The following TTC28 variants were observed in gnomAD, a reference collection of about 807,000 sequenced individuals.
TTC28 encodes the protein tetratricopeptide repeat domain 28.
In TTC28, 61 loss-of-function variants were observed where a neutral mutation model predicts 198.0. The ratio of observed to expected loss-of-function variants is 0.31; its 90% CI spans 0.25 to 0.38. The LOEUF (loss-of-function observed/expected upper bound fraction) is 0.38, where lower values mean the gene tolerates loss of function less well. TTC28 is among the 10% of genes least tolerant of loss of function. TTC28 has a pLI of 1.00. For missense variants in TTC28, 2,678 were observed against 3,164.0 expected (o/e 0.85, Z 3.69); for synonymous variants, 1,171 against 1,297.8 (o/e 0.90, Z 2.10).
chr22:28,091,951 G>A (rs1369466737), intron 12 of TTC28, among the ~76,000 whole-genome samples: 1 of 152,160 alleles, frequency 6.6e-6, no homozygotes, highest in African/African-American at 2.4e-5. Flanking sequence ...GAATATTTGA[G>A]CTGAGCTCAG....
chr22:28,263,248 A>G (rs1931446665), intron 5 of TTC28, among the ~76,000 whole-genome samples: 1 of 152,164 alleles, frequency 6.6e-6, no homozygotes, highest in Non-Finnish European at 1.5e-5. Flanking sequence ...CATTCATTTA[A>G]TCTCTTTAAC....
chr22:28,043,242 CAAAAAAAAAAAAAAA>C (rs11362041), intron 12 of TTC28, among the ~76,000 whole-genome samples: 10 of 65,568 alleles, frequency 1.5e-4, no homozygotes, highest in South Asian at 5.1e-4. Context: ...GACTCCATCT[CAAAAAAAAAAAAAAA>C]AAAAAAAAAA....
chr22:28,182,727 C>T (rs558425439), intron 5 of TTC28, among the ~76,000 whole-genome samples: 5 of 152,302 alleles, frequency 3.3e-5, no homozygotes, highest in African/African-American at 9.6e-5. Flanking sequence ...CCAGTCTCAG[C>T]TCTCTGTACT....
chr22:28,421,933 C>CAAA (rs3884802), intron 2 of TTC28, among the ~76,000 whole-genome samples: 19 of 75,378 alleles, frequency 2.5e-4, no homozygotes, highest in African/African-American at 7.1e-4. Context: ...GACTCCGTCT[C>CAAA]AAAAAAAAAA....
At chr22:28,155,018 A>G (rs1283193680) in intron 6 of TTC28, among the ~76,000 whole-genome samples, 1 of 152,144 alleles carries the variant, frequency 6.6e-6, no homozygotes, top group African/African-American at 2.4e-5. Flanking sequence ...ACATCGTGGA[A>G]GTTCTCTTCT....
chr22:28,138,963 C>G (rs1479552502), intron 6 of TTC28, among the ~76,000 whole-genome samples: 1 of 151,410 alleles, frequency 6.6e-6, no homozygotes, highest in Non-Finnish European at 1.5e-5. Context: ...CAAATATAAG[C>G]ATGAATCACA....
chr22:28,180,784 G>A (rs1923621157), intron 5 of TTC28, among the ~76,000 whole-genome samples: 1 of 152,120 alleles, frequency 6.6e-6, no homozygotes, highest in Non-Finnish European at 1.5e-5. Context: ...TCACATCCAT[G>A]GCCTACAAAG....
At chr22:28,633,570 G>A (rs2051215602) in intron 1 of TTC28, among the ~76,000 whole-genome samples, 1 of 152,148 alleles carries the variant, frequency 6.6e-6, no homozygotes, top group African/African-American at 2.4e-5. Context: ...CAGGGCTGCA[G>A]TGAGCTGTGA....
chr22:28,477,047 G>T (rs1341689885), intron 2 of TTC28, among the ~76,000 whole-genome samples: 1 of 152,122 alleles, frequency 6.6e-6, no homozygotes, highest in African/African-American at 2.4e-5. Flanking sequence ...ACTATATAAA[G>T]TTCTGGAACA....
intron 2 of TTC28, among the ~76,000 whole-genome samples, chr22:28,558,629 C>T (rs964201898): frequency 2.0e-5 from 3 of 151,882 alleles, no homozygotes; most frequent in South Asian, 2.1e-4. Flanking sequence ...GAGCTGAGAT[C>T]GCACCACTGC....
At chr22:28,365,434 A>C (rs112265296) in intron 2 of TTC28, among the ~76,000 whole-genome samples, 3 of 152,366 alleles carry the variant, frequency 2.0e-5, no homozygotes, top group African/African-American at 7.2e-5. Context: ...CAGCTTAGCT[A>C]CCAGGAAAAA....
chr22:28,036,098 C>T (rs1331389309), intron 12 of TTC28, among the ~76,000 whole-genome samples: 1 of 152,162 alleles, frequency 6.6e-6, no homozygotes, highest in Non-Finnish European at 1.5e-5. Flanking sequence ...AGAAGGTTAA[C>T]AAGGATATCC....
intron 2 of TTC28, among the ~76,000 whole-genome samples, chr22:28,591,084 T>G (rs1313083028): frequency 8.5e-6 from 1 of 117,214 alleles, no homozygotes; most frequent in African/African-American, 3.1e-5. Context: ...TATATATATA[T>G]AGGAATTGTG....
At chr22:28,347,288 A>C (rs540355187) in intron 2 of TTC28, among the ~76,000 whole-genome samples, 1 of 151,628 alleles carries the variant, frequency 6.6e-6, no homozygotes, top group African/African-American at 2.4e-5. Flanking sequence ...AAAAAAAACA[A>C]AAAAAGAAAA....
intron 16 of TTC28, among the ~76,000 whole-genome samples, chr22:27,997,254 T>C (rs1937569275): frequency 6.6e-6 from 1 of 152,250 alleles, no homozygotes; most frequent in African/African-American, 2.4e-5. Flanking sequence ...GTGAGGTGAC[T>C]AGGCAGGGCA....
At chr22:28,155,347 A>G (rs1458573978) in intron 6 of TTC28, among the ~76,000 whole-genome samples, 1 of 152,226 alleles carries the variant, frequency 6.6e-6, no homozygotes, top group Non-Finnish European at 1.5e-5. Flanking sequence ...ATCTAACCAT[A>G]CAAATATTTT....
chr22:28,175,363 C>G (rs77806875), intron 5 of TTC28, among the ~76,000 whole-genome samples: 1 of 152,154 alleles, frequency 6.6e-6, no homozygotes, highest in Non-Finnish European at 1.5e-5. Flanking sequence ...AACTATACAC[C>G]TGATAAGGGG....
At chr22:28,155,837 T>G (rs1445082791) in intron 6 of TTC28, among the ~76,000 whole-genome samples, 1 of 152,126 alleles carries the variant, frequency 6.6e-6, no homozygotes, top group African/African-American at 2.4e-5. Flanking sequence ...ATACAATATG[T>G]GGCAATGAAT....
chr22:28,495,847 C>T (rs2048447385), intron 2 of TTC28, among the ~76,000 whole-genome samples: 1 of 151,788 alleles, frequency 6.6e-6, no homozygotes, highest in Non-Finnish European at 1.5e-5. Context: ...TCATAATATA[C>T]TCCTCATCTC....
Sources: gnomAD v4.1 joint callset for allele counts (sites outside exome capture counted in the v4.1 genomes callset) on GRCh38, gnomAD v4.1.1 for gene constraint, MANE v1.5 for transcripts, NCBI Gene and HGNC (gene_info 2026-07-23, HGNC 2026-07-21) for gene names.